The following PCDH7 variants were observed in gnomAD, a reference collection of about 807,000 sequenced individuals.
PCDH7 encodes protocadherin 7, also known as protocadherin-7.
In PCDH7, 17 loss-of-function variants were observed where a neutral mutation model predicts 58.9. The observed-to-expected ratio is 0.29, with a 90% CI of 0.20 to 0.43. PCDH7 has a LOEUF of 0.43. Among genes scored for constraint, PCDH7 ranks in the 20% least tolerant of loss-of-function variants. PCDH7 has a pLI of 1.00. For missense variants in PCDH7, 1,274 were observed against 1,441.0 expected, an observed-to-expected ratio of 0.88 and a Z score of 1.88; for synonymous variants, 664 against 616.4, an observed-to-expected ratio of 1.08 and a Z score of -1.14.
intron 3 of PCDH7, among the ~76,000 whole-genome samples, chr4:31,042,420 G>T (rs1755945732): frequency 6.6e-6 from 1 of 152,034 alleles, no homozygotes; most frequent in African/African-American, 2.4e-5. Flanking sequence ...GAGAATATTT[G>T]ATTTTTTTGA....
chr4:30,976,572 T>C (rs1189746411), intron 3 of PCDH7, among the ~76,000 whole-genome samples: 2 of 151,684 alleles, frequency 1.3e-5, no homozygotes, highest in Non-Finnish European at 2.9e-5. Context: ...AGCTAATTTT[T>C]GTATTTTTAG....
At chr4:30,869,359 C>T (rs1481531354) in intron 1 of PCDH7, among the ~76,000 whole-genome samples, 4 of 151,944 alleles carry the variant, frequency 2.6e-5, no homozygotes, top group African/African-American at 4.8e-5. Flanking sequence ...TAGGTATACA[C>T]GTGCCATGGT....
At chr4:30,836,487 A>G (rs1032483175) in intron 1 of PCDH7, among the ~76,000 whole-genome samples, 1 of 152,206 alleles carries the variant, frequency 6.6e-6, no homozygotes, top group Non-Finnish European at 1.5e-5. Context: ...AGGAGAAGGT[A>G]TTATCATTTT....
intron 1 of PCDH7, among the ~76,000 whole-genome samples, chr4:30,768,179 TTGA>T (rs1469472639): frequency 6.6e-6 from 1 of 150,898 alleles, no homozygotes; most frequent in Non-Finnish European, 1.5e-5. Flanking sequence ...CATCAATCAA[TTGA>T]TGAGCCTTTA....
At chr4:31,117,249 T>G (rs1332853229) in intron 3 of PCDH7, among the ~76,000 whole-genome samples, 1 of 152,162 alleles carries the variant, frequency 6.6e-6, no homozygotes, top group Non-Finnish European at 1.5e-5. Flanking sequence ...TTAAAGATGC[T>G]CTGGAATCTG....
chr4:31,078,317 T>C (rs183605484), intron 3 of PCDH7, among the ~76,000 whole-genome samples: 82 of 152,156 alleles, frequency 5.4e-4, no homozygotes, highest in African/African-American at 1.9e-3. Context: ...AGGGTGTCGC[T>C]CTGCAGCCAG....
chr4:30,887,531 C>T (rs1295549195), intron 1 of PCDH7, among the ~76,000 whole-genome samples: 2 of 152,144 alleles, frequency 1.3e-5, no homozygotes, highest in Non-Finnish European at 1.5e-5. Flanking sequence ...AAGGTAGACA[C>T]ACATTCAGTA....
chr4:31,006,325 A>T (rs1055265570), intron 3 of PCDH7, among the ~76,000 whole-genome samples: 1 of 152,200 alleles, frequency 6.6e-6, no homozygotes, highest in African/African-American at 2.4e-5. Flanking sequence ...CAAATGCACA[A>T]AATTGAAAAT....
At chr4:30,891,281 C>T (rs1218270758) in intron 1 of PCDH7, among the ~76,000 whole-genome samples, 2 of 152,026 alleles carry the variant, frequency 1.3e-5, no homozygotes, top group African/African-American at 4.8e-5. Context: ...ATTGACTTGT[C>T]AATCACTAAG....
At chr4:30,794,120 C>G (rs1724485259) in intron 1 of PCDH7, 1 of 152,130 alleles carries the variant, frequency 6.6e-6, no homozygotes, top group Non-Finnish European at 1.5e-5. Context: ...GAAGTTTCTG[C>G]AGAGCCAAAG....
At chr4:30,759,354 A>G (rs1047439738) in intron 1 of PCDH7, among the ~76,000 whole-genome samples, 1 of 149,626 alleles carries the variant, frequency 6.7e-6, no homozygotes, top group Non-Finnish European at 1.5e-5. Context: ...TTGCAATTTC[A>G]TAGTTACTTT....
intron 3 of PCDH7, among the ~76,000 whole-genome samples, chr4:30,989,736 T>C (rs1013052937): frequency 5.9e-5 from 9 of 152,106 alleles, no homozygotes; most frequent in African/African-American, 1.9e-4. Flanking sequence ...TAGCTAATGA[T>C]TGAATAGGGG....
chr4:30,786,773 C>T (rs1723450257), intron 1 of PCDH7: 8 of 982,182 alleles, frequency 8.1e-6, no homozygotes, highest in South Asian at 9.4e-5. Flanking sequence ...ATTGAGGAAT[C>T]GTGTAAAATG....
chr4:30,938,388 T>C (rs1745608296), intron 2 of PCDH7, among the ~76,000 whole-genome samples: 1 of 152,016 alleles, frequency 6.6e-6, no homozygotes, highest in Admixed American at 6.6e-5. Context: ...TGTAGAGAAT[T>C]TGACTTCCAA....
chr4:30,843,679 C>T (rs1374516459), intron 1 of PCDH7, among the ~76,000 whole-genome samples: 1 of 152,124 alleles, frequency 6.6e-6, no homozygotes, highest in East Asian at 1.9e-4. Context: ...AAATAACAAA[C>T]TTGCTCTTGC....
At chr4:30,767,088 C>A (rs1577713995) in intron 1 of PCDH7, among the ~76,000 whole-genome samples, 1 of 151,878 alleles carries the variant, frequency 6.6e-6, no homozygotes, top group Non-Finnish European at 1.5e-5. Context: ...CACTAGTGGG[C>A]TGTAAATAAC....
chr4:30,753,787 CT>C (rs989716724), intron 1 of PCDH7, among the ~76,000 whole-genome samples: 22 of 152,018 alleles, frequency 1.4e-4, no homozygotes, highest in Non-Finnish European at 2.2e-4. Flanking sequence ...GTGATAGAGC[CT>C]TTTTTTAAGA....
In PCDH7 at chr4:30,723,509, C is replaced by T. The variant is rs1036430310; in HGVS notation, c.2087C>T (p.Ser696Phe). The T allele has an allele frequency of 1.2e-6, 2 of 1,614,002 alleles. No homozygotes were observed. Among genetic ancestry groups the T allele is most frequent in the African/African-American group, 2.7e-5 (2 of 74,918 alleles). ...GAAAATGACACGGGGACCATTTACT[C>T]CACAATGTCTTTTGACCGGGAACAT... Residue 696 changes from serine to phenylalanine, a missense_variant, in exon 1 of 2, where the codon TCC becomes TTC. This residue lies in a region of PCDH7 where 731 missense variants were observed against 881.9 expected (regional missense o/e 0.83). Coordinates refer to ENST00000361762, the Ensembl canonical transcript of PCDH7. This position sits in a 1 kb window ranked among gnomAD's most constrained non-coding sequence, Gnocchi z 4.6.
intron 3 of PCDH7, among the ~76,000 whole-genome samples, chr4:31,088,563 C>G (rs1250963120): frequency 6.6e-6 from 1 of 151,946 alleles, no homozygotes; most frequent in African/African-American, 2.4e-5. Context: ...TATTTAATGG[C>G]CTTTATAATT....
Sources: gnomAD v4.1 joint callset for allele counts (sites outside exome capture counted in the v4.1 genomes callset) on GRCh38, gnomAD v4.1.1 for gene constraint, gnomAD v4.1.1 regional missense constraint, Gnocchi (gnomAD v3.1) non-coding constraint, MANE v1.5 for transcripts, NCBI Gene and HGNC (gene_info 2026-07-23, HGNC 2026-07-21) for gene names.